AMDHD1: variants seen among roughly 807,000 people sequenced by gnomAD.
AMDHD1 encodes the protein amidohydrolase domain containing 1, also known as probable imidazolonepropionase.
A neutral mutation model predicts 44.1 loss-of-function variants in AMDHD1; 45 were observed. The observed-to-expected ratio is 1.02, with a 90% confidence interval of 0.80 to 1.31. The LOEUF is 1.31. Ranked by LOEUF, AMDHD1 falls within the 50% of genes most tolerant of loss-of-function variation. The pLI is 0.00. For missense variants in AMDHD1, 586 were observed against 552.1 expected (o/e 1.06, Z -0.61); for synonymous variants, 206 against 205.0 (o/e 1.00, Z -0.04).
At chr12:95,957,542 A>G (rs182378801) in intron 4 of AMDHD1, among the ~76,000 whole-genome samples, 334 of 152,258 alleles carry the variant, frequency 2.2e-3, no homozygotes, top group Non-Finnish European at 3.2e-3. Context: ...TGGAATTTCT[A>G]AATAGGAAGG....
Position 95,956,844 on chromosome 12 carries a change from A to G in AMDHD1, c.469A>G (p.Ser157Gly), listed in dbSNP as rs768922385. Residue 157 changes from serine to glycine, a missense_variant, in exon 4 of 9, where the codon AGT becomes GGT. Transcript: ENST00000266736. ...TGGCACCACGCTGGTGGAGTGCAAG[A>G]GTGGATATGGCCTCGACCTGGAGAC... ...RAGTTLVECK[S>G]GYGLDLETEL... 2 of 1,613,990 alleles carry G rather than the reference A, an allele frequency of 1.2e-6. No homozygotes were observed. The highest frequency in any genetic ancestry group is 1.7e-6 in the Non-Finnish European group (2 of 1,179,984).
At chr12:95,951,221 A>C (rs974749521) in intron 1 of AMDHD1, among the ~76,000 whole-genome samples, 2 of 151,806 alleles carry the variant, frequency 1.3e-5, no homozygotes, top group African/African-American at 4.8e-5. Flanking sequence ...AACAATCCCC[A>C]TTTTTCTCCT....
At chr12:95,952,137 A>G (rs2080528302) in intron 1 of AMDHD1, among the ~76,000 whole-genome samples, 2 of 152,178 alleles carry the variant, frequency 1.3e-5, no homozygotes, top group South Asian at 2.1e-4. Flanking sequence ...CTTGTGGGGT[A>G]TCCCTCAAGA....
rs751745578 is a variant in AMDHD1, at chr12:95,943,410, C to T, written c.12C>T (p.Gly4=). The change falls in exon 1 of 9, where the codon GGC becomes GGT. Residue 4 remains glycine (G), a synonymous_variant. Transcript: ENST00000266736. ...CGGCGCGAGGCGACATGGCAAGCGG[C>T]CACAGCCTCCTGCTGGAGAACGCGC... MAS[G]HSLLLENAQQ... 2.7e-6 allele frequency: 4 copies of T among 1,500,278 alleles called. No homozygotes were observed. Among genetic ancestry groups the T allele is most frequent in the South Asian group, 1.2e-5 (1 of 81,140 alleles). 92.9% of individuals were successfully genotyped at this position (1,500,278 alleles called of 1,614,324 possible). A position where few individuals can be genotyped will look rare whatever the true frequency, so the allele number is the denominator to read the frequency against.
At chr12:95,962,982 C>G (rs1481546080) in intron 6 of AMDHD1, among the ~76,000 whole-genome samples, 1 of 151,962 alleles carries the variant, frequency 6.6e-6, no homozygotes, top group Non-Finnish European at 1.5e-5. Context: ...TAAAATCTCC[C>G]CAGATATTTT....
chr12:95,954,854 G>A, intron 2 of AMDHD1, 57 bp from the exon 3 acceptor site: 1 of 1,544,110 alleles, frequency 6.5e-7, no homozygotes, highest in Non-Finnish European at 8.9e-7. Flanking sequence ...CTGTTTGCCT[G>A]CTGTCTAAGT....
chr12:95,950,156 C>T (rs2080519944), intron 1 of AMDHD1, among the ~76,000 whole-genome samples: 1 of 152,164 alleles, frequency 6.6e-6, no homozygotes, highest in Non-Finnish European at 1.5e-5. Flanking sequence ...TCCTTTCCAC[C>T]ACCAGATTCA....
chr12:95,965,988 A>G (rs1454888866), intron 7 of AMDHD1, among the ~76,000 whole-genome samples: 3 of 152,250 alleles, frequency 2.0e-5, no homozygotes, highest in Non-Finnish European at 4.4e-5. Flanking sequence ...AGAAGCTTCT[A>G]CATGCATTAT....
chr12:95,965,122 A>G (rs1335703388), intron 6 of AMDHD1, among the ~76,000 whole-genome samples: 1 of 151,854 alleles, frequency 6.6e-6, no homozygotes, highest in Non-Finnish European at 1.5e-5. Context: ...ACCATGGTGA[A>G]ACCCCATCTC....
chr12:95,943,750 C>T (rs907042166), intron 1 of AMDHD1, among the ~76,000 whole-genome samples: 1 of 152,200 alleles, frequency 6.6e-6, no homozygotes, highest in South Asian at 2.1e-4. Context: ...CCCATTGGAA[C>T]GCATCAGGGT....
At chr12:95,960,730 G>T (rs2080577404) in intron 5 of AMDHD1, 107 bp downstream of exon 5, 1 of 1,178,738 alleles carries the variant, frequency 8.5e-7, no homozygotes, top group Non-Finnish European at 1.2e-6. Flanking sequence ...ATATTGAATG[G>T]GGAAATTTGT....
intron 6 of AMDHD1, among the ~76,000 whole-genome samples, chr12:95,964,588 G>A (rs750611283): frequency 5.3e-5 from 8 of 151,946 alleles, no homozygotes; most frequent in Non-Finnish European, 1.0e-4. Context: ...CTCTGTCTCT[G>A]CTTCACTCAC....
At chr12:95,946,108 T>C (rs1199350540) in intron 1 of AMDHD1, among the ~76,000 whole-genome samples, 3 of 151,026 alleles carry the variant, frequency 2.0e-5, no homozygotes, top group Non-Finnish European at 4.4e-5. Flanking sequence ...GCAGTTAATC[T>C]TGAAGAGGCT....
chr12:95,957,138 C>T (rs887884305), intron 4 of AMDHD1, among the ~76,000 whole-genome samples, 176 bp downstream of exon 4: 2 of 152,178 alleles, frequency 1.3e-5, no homozygotes, highest in East Asian at 3.8e-4. Flanking sequence ...GATCCCTTAG[C>T]CTCATCAGTC....
At chr12:95,960,666 T>C in intron 5 of AMDHD1, 43 bp downstream of exon 5, 1 of 1,562,660 alleles carries the variant, frequency 6.4e-7, no homozygotes, top group Non-Finnish European at 8.8e-7. Flanking sequence ...CATTCATTCT[T>C]GCACATTCAT....
At chr12:95,964,032 T>TAAA (rs35799594) in intron 6 of AMDHD1, among the ~76,000 whole-genome samples, 1 of 119,378 alleles carries the variant, frequency 8.4e-6, no homozygotes. Context: ...GATTCCATCT[T>TAAA]AAAAAAAAAA....
chr12:95,967,450 C>T (rs1388137106), intron 8 of AMDHD1, among the ~76,000 whole-genome samples: 1 of 152,176 alleles, frequency 6.6e-6, no homozygotes, highest in Non-Finnish European at 1.5e-5. Context: ...GAGACACCTG[C>T]TTTAAAATTC....
intron 1 of AMDHD1, among the ~76,000 whole-genome samples, chr12:95,944,560 G>A (rs1368328889): frequency 2.0e-5 from 3 of 151,688 alleles, no homozygotes; most frequent in Admixed American, 6.6e-5. Flanking sequence ...GGGACTACAG[G>A]TGCACGCCAC....
rs139953581 is a variant in AMDHD1, at chr12:95,962,610, T to A, written c.938+131T>A. 4.3e-4 allele frequency: 499 copies of A among 1,163,866 alleles called. 4 individuals are homozygous for A. In the East Asian group the frequency reaches 0.014, roughly 32 times the overall value. The allele number at this position is 1,163,866 out of a possible 1,614,324, so 72.1% of individuals were successfully genotyped here. A position where few individuals can be genotyped will look rare whatever the true frequency, so the allele number is the denominator to read the frequency against. On this transcript the variant is annotated intron_variant, in intron 6 of 8. Transcript: ENST00000266736. ...AAAATGCAGATGAAGAAAACTCAGC[T>A]AATGAAGATGCCAACCCTGGACTGA...
Sources: gnomAD v4.1 joint callset for allele counts (sites outside exome capture counted in the v4.1 genomes callset) on GRCh38, gnomAD v4.1.1 for gene constraint, MANE v1.5 for transcripts, NCBI Gene and HGNC (gene_info 2026-07-23, HGNC 2026-07-21) for gene names.